Variants in UBLCP1 observed in about 807,000 individuals in gnomAD.
UBLCP1 encodes the protein ubiquitin like domain containing CTD phosphatase 1.
A neutral mutation model predicts 42.4 loss-of-function variants in UBLCP1; 28 were observed. That is an observed-to-expected ratio of 0.66 (90% CI 0.49 to 0.90). The LOEUF (loss-of-function observed/expected upper bound fraction) is 0.90, where lower values mean the gene tolerates loss of function less well. UBLCP1 is among the 40% of genes least tolerant of loss of function. The probability of loss-of-function intolerance (pLI) is 0.00; values close to 1 mark genes in which losing one functional copy is unlikely to be tolerated. For synonymous variants in UBLCP1, 122 were observed against 120.8 expected (o/e 1.01, Z -0.07); for missense variants, 279 against 374.5 (o/e 0.75, Z 2.10).
intron 8 of UBLCP1, chr5:159,275,453 C>G (rs1262756200): frequency 2.9e-6 from 1 of 349,616 alleles, no homozygotes; most frequent in South Asian, 2.9e-5. Context: ...CATTGTGCCG[C>G]CCAGGCTGGA....
intron 9 of UBLCP1, 129 bp from the exon 10 acceptor site, chr5:159,283,083 A>C (rs1008442434): frequency 2.1e-5 from 19 of 923,520 alleles, no homozygotes; most frequent in Admixed American, 3.5e-5. Flanking sequence ...GCTAATATAA[A>C]AGTAATTTTT....
At chr5:159,269,685 CAT>C (rs1367035358) in intron 2 of UBLCP1, among the ~76,000 whole-genome samples, 2 of 152,254 alleles carry the variant, frequency 1.3e-5, no homozygotes, top group South Asian at 2.1e-4. Context: ...GTTCATCTAA[CAT>C]AGAATTGGGG....
intron 7 of UBLCP1, 36 bp downstream of exon 7, chr5:159,274,658 T>TC: frequency 6.4e-7 from 1 of 1,572,774 alleles, no homozygotes; most frequent in Non-Finnish European, 8.7e-7. Context: ...AAAAATATTT[T>TC]CAAACTGCAT....
intron 4 of UBLCP1, 31 bp from the exon 5 acceptor site, chr5:159,270,497 A>G (rs770339028): frequency 6.2e-7 from 1 of 1,605,170 alleles, no homozygotes; most frequent in Non-Finnish European, 8.5e-7. Flanking sequence ...GAACAAGTGA[A>G]TATTTTATCT....
chr5:159,283,368 C>T (rs748584664), intron 10 of UBLCP1, 29 bp downstream of exon 10: 5 of 1,526,408 alleles, frequency 3.3e-6, no homozygotes, highest in South Asian at 2.5e-5. Flanking sequence ...TTTATTTTCT[C>T]TTTACATCAA....
intron 8 of UBLCP1, among the ~76,000 whole-genome samples, chr5:159,275,497 G>A (rs1482257529): frequency 5.5e-5 from 7 of 127,110 alleles, no homozygotes; most frequent in Admixed American, 4.0e-4. Context: ...CGCAAGCTCC[G>A]CCTCCCAGGT....
intron 5 of UBLCP1, among the ~76,000 whole-genome samples, chr5:159,271,166 A>G (rs1316778101): frequency 6.6e-6 from 1 of 152,254 alleles, no homozygotes. Context: ...CTTGAATTTA[A>G]AATTTCTCAT....
chr5:159,280,387 C>T (rs953900584), intron 9 of UBLCP1, among the ~76,000 whole-genome samples: 3 of 152,272 alleles, frequency 2.0e-5, no homozygotes, highest in Middle Eastern at 3.4e-3. Context: ...ATTGCAGCCT[C>T]GACTTCCCTT....
At position 159,283,973 on chromosome 5, in the gene UBLCP1, A is replaced by G. The variant is rs531808956; in HGVS notation, c.929+634A>G. On this transcript the variant is annotated intron_variant, in intron 10 of 10. Coordinates refer to ENST00000296786, the MANE Select transcript of UBLCP1 (RefSeq NM_145049.5). ...CCCCAGAGAAGTGGAAGGTATTACT[A>G]TGTATTACAGTATTTGGGGGGGAAT... Among the ~76,000 whole-genome samples the G allele has an allele frequency of 1.6e-3, 242 of 152,244 alleles. No individual in the cohort carries two copies. The Middle Eastern group carries it at 0.024, about 15-fold the overall frequency.
Position 159,284,987 on chromosome 5 carries a change from TTTATGCTAGAAA to T in UBLCP1, c.*58_*69del. On this transcript the variant is annotated 3_prime_UTR_variant, in exon 11 of 11. Coordinates refer to ENST00000296786, the MANE Select transcript of UBLCP1 (RefSeq NM_145049.5). ...ACTTAAGATCCAAGAACTTCTTGCTTTTATGCTAGAAATCATTATGATAGTGCTGGACACTGA... is the reference window on the plus strand; with the variant it reads ...ACTTAAGATCCAAGAACTTCTTGCTTTCATTATGATAGTGCTGGACACTGA... The T allele has an allele frequency of 2.6e-6, 4 of 1,542,028 alleles. No homozygotes were observed. The highest frequency in any genetic ancestry group is 3.6e-6 in the Non-Finnish European group (4 of 1,115,448).
In UBLCP1 at chr5:159,278,300, T is replaced by A. The variant is rs758076751; in HGVS notation, c.747T>A (p.Ile249=). ...FSEFYSKKNT[I]MFDDIGRNFL... ...AGTTTTACAGCAAGAAAAACACCAT[T>A]ATGTTTGATGACATAGGGAGAAATT... Residue 249 remains isoleucine, a synonymous_variant, in exon 9 of 11, where the codon ATT becomes ATA. Transcript: ENST00000296786. 2 of 1,613,980 alleles carry A rather than the reference T, an allele frequency of 1.2e-6. No homozygotes were observed. The highest frequency in any genetic ancestry group is 4.5e-5 in the East Asian group (2 of 44,830).
chr5:159,273,432 T>TA (rs1485986260), intron 6 of UBLCP1, among the ~76,000 whole-genome samples: 2 of 152,192 alleles, frequency 1.3e-5, no homozygotes, highest in African/African-American at 4.8e-5. Context: ...GCTCTGTTCT[T>TA]ACTGTGTGAC....
intron 8 of UBLCP1, among the ~76,000 whole-genome samples, chr5:159,275,983 A>G (rs1753531660): frequency 6.6e-6 from 1 of 152,230 alleles, no homozygotes; most frequent in Admixed American, 6.5e-5. Context: ...AACAAGAACA[A>G]TCAGAGAAAA....
intron 3 of UBLCP1, 99 bp downstream of exon 3, chr5:159,270,098 C>G: frequency 5.5e-6 from 6 of 1,085,418 alleles, no homozygotes; most frequent in Non-Finnish European, 7.8e-6. Flanking sequence ...AATTGTCAGT[C>G]TAGCAATCAA....
At chr5:159,278,839 T>A (rs1753571286) in intron 9 of UBLCP1, among the ~76,000 whole-genome samples, 1 of 152,174 alleles carries the variant, frequency 6.6e-6, no homozygotes, top group South Asian at 2.1e-4. Flanking sequence ...CCACAAGTGC[T>A]GGGATTACAG....
chr5:159,275,530 C>A (rs771367975), intron 8 of UBLCP1, among the ~76,000 whole-genome samples: 9 of 151,334 alleles, frequency 5.9e-5, no homozygotes, highest in Non-Finnish European at 1.3e-4. Flanking sequence ...CCTGCCTCAG[C>A]CTCCTGAGTA....
intron 1 of UBLCP1, among the ~76,000 whole-genome samples, chr5:159,266,724 A>G (rs1161084573): frequency 1.3e-5 from 2 of 152,176 alleles, no homozygotes; most frequent in East Asian, 1.9e-4. Flanking sequence ...TGTGCAGCCT[A>G]GGGACTTGGT....
rs764762639 is a variant in UBLCP1 at position 159,283,207 on chromosome 5, A to G, written c.802-5A>G. 2.2e-5 allele frequency: 36 copies of G among 1,600,072 alleles called. No individual in the cohort carries two copies. Among genetic ancestry groups the G allele is most frequent in the Non-Finnish European group, 3.1e-5 (36 of 1,175,506 alleles). On this transcript the variant is annotated splice_region_variant and splice_polypyrimidine_tract_variant and intron_variant, in intron 9 of 10. Transcript: ENST00000296786. ...ATGTGTTGAGTAATGTTTGTTTCCT[A>G]ATAGATAAGGCCTTTTATGAAAGCG... is the stretch of plus-strand genomic sequence containing the variant.
At chr5:159,283,646 C>T (rs1753633472) in intron 10 of UBLCP1, among the ~76,000 whole-genome samples, 3 of 152,076 alleles carry the variant, frequency 2.0e-5, no homozygotes, top group African/African-American at 7.2e-5. Context: ...TAAGCTACTC[C>T]TTTATGAATC....
Sources: allele counts gnomAD v4.1 joint callset (sites outside exome capture counted in the v4.1 genomes callset), GRCh38; gene constraint gnomAD v4.1.1; transcripts MANE v1.5; gene names NCBI Gene and HGNC (gene_info 2026-07-23, HGNC 2026-07-21).